Variants in MAK observed in about 807,000 individuals in gnomAD.
MAK encodes serine/threonine-protein kinase MAK.
Under a neutral mutation model 82.6 loss-of-function variants are expected in MAK, and 65 were observed. The ratio of observed to expected loss-of-function variants is 0.79; its 90% CI spans 0.64 to 0.97. The LOEUF is 0.97. MAK is among the 50% of genes least tolerant of loss of function. The pLI is 0.00. For missense variants in MAK, 703 were observed against 780.2 expected (o/e 0.90, Z 1.18); for synonymous variants, 250 against 274.2 (o/e 0.91, Z 0.87).
intron 2 of MAK, among the ~76,000 whole-genome samples, chr6:10,825,668 T>TACATGGC (rs1581765847): frequency 6.6e-6 from 1 of 152,078 alleles, no homozygotes; most frequent in East Asian, 1.9e-4. Context: ...TGGTACATGG[T>TACATGGC]ACATGGCACC....
intron 5 of MAK, among the ~76,000 whole-genome samples, chr6:10,810,710 A>G (rs1776863257): frequency 6.6e-6 from 1 of 152,304 alleles, no homozygotes; most frequent in South Asian, 2.1e-4. Context: ...TGTTTGTGAC[A>G]TCTGTTTAAC....
At chr6:10,784,675 C>A in intron 10 of MAK, 103 bp from the exon 11 acceptor site, 1 of 653,954 alleles carries the variant, frequency 1.5e-6, no homozygotes, top group South Asian at 2.8e-5. Context: ...CTAAGCCAGT[C>A]AATCTGACCT....
chr6:10,765,471 T>TTTTTTTTTTTTTTTTTTA (rs1561923828), intron 14 of MAK, among the ~76,000 whole-genome samples: 9 of 114,960 alleles, frequency 7.8e-5, no homozygotes, highest in African/African-American at 2.0e-4. Flanking sequence ...TTTTTTTTTT[T>TTTTTTTTTTTTTTTTTTA]TTAATGAGGC....
rs193132857 is a variant in MAK at position 10,784,535 on chromosome 6, T to C, written c.1354A>G (p.Thr452Ala). The C allele has an allele frequency of 8.1e-6, 13 of 1,614,136 alleles. No homozygotes were observed. In the East Asian group the frequency reaches 2.5e-4, roughly 30 times the overall value. The part of the protein sequence containing the change: ...EPVPSGSNHS[T>A]GENKSLPAVT... The stretch of plus-strand genomic sequence containing the variant: ...GCAGGTAAGCTCTTGTTTTCCCCTG[T>C]CGAGTGGTTGGAGCCTGAGGGTACT... Residue 452 changes from threonine to alanine, a missense_variant, in exon 11 of 15, where the codon ACA becomes GCA. Coordinates refer to ENST00000354489, the MANE Select transcript of MAK (RefSeq NM_001242957.3).
chr6:10,809,529 G>C (rs1028917875), intron 5 of MAK, among the ~76,000 whole-genome samples: 1 of 152,090 alleles, frequency 6.6e-6, no homozygotes, highest in Non-Finnish European at 1.5e-5. Context: ...GTTTTGCCAC[G>C]TCACCCAGGC....
At chr6:10,779,091 G>A (rs1179138151) in intron 11 of MAK, among the ~76,000 whole-genome samples, 1 of 131,136 alleles carries the variant, frequency 7.6e-6, no homozygotes, top group Non-Finnish European at 1.5e-5. Context: ...TGGTACCACT[G>A]CACTCCAGCC....
At chr6:10,836,223 A>G (rs1779142241) in intron 1 of MAK, among the ~76,000 whole-genome samples, 1 of 152,164 alleles carries the variant, frequency 6.6e-6, no homozygotes, top group South Asian at 2.1e-4. Context: ...AGATTTTTAA[A>G]AGGTCAGATT....
At chr6:10,790,424 AAAG>A (rs1774976940) in intron 10 of MAK, among the ~76,000 whole-genome samples, 1 of 152,176 alleles carries the variant, frequency 6.6e-6, no homozygotes, top group Admixed American at 6.5e-5. Context: ...AACAAAAAAA[AAAG>A]AAAGTATCTT....
intron 9 of MAK, among the ~76,000 whole-genome samples, chr6:10,794,190 A>C (rs1775317585): frequency 6.6e-6 from 1 of 152,192 alleles, no homozygotes; most frequent in Non-Finnish European, 1.5e-5. Flanking sequence ...ATTAAGGAAG[A>C]ACTTTCTAAT....
intron 9 of MAK, among the ~76,000 whole-genome samples, chr6:10,792,830 T>G (rs926523309): frequency 2.6e-5 from 4 of 152,150 alleles, no homozygotes; most frequent in Admixed American, 2.0e-4. Flanking sequence ...CTCTACACTA[T>G]TACTTTCTCT....
chr6:10,816,411 T>G (rs1257444392), intron 4 of MAK, among the ~76,000 whole-genome samples: 1 of 144,114 alleles, frequency 6.9e-6, no homozygotes, highest in Non-Finnish European at 1.5e-5. Flanking sequence ...AATTTAATAT[T>G]TCATGAATTT....
At chr6:10,832,655 C>T (rs573003230) in intron 1 of MAK, among the ~76,000 whole-genome samples, 1 of 152,150 alleles carries the variant, frequency 6.6e-6, no homozygotes, top group South Asian at 2.1e-4. Context: ...CAAGCTACTA[C>T]ACCCAGCTAT....
chr6:10,814,639 G>T (rs1318861699), intron 4 of MAK, among the ~76,000 whole-genome samples: 2 of 151,918 alleles, frequency 1.3e-5, no homozygotes, highest in Non-Finnish European at 1.5e-5. Context: ...CTCCACTCCA[G>T]CCTGGTGACA....
rs1425259590 is a variant in MAK, at chr6:10,782,249, CAG to C, written c.1465+2173_1465+2174del. On this transcript the variant is annotated intron_variant, in intron 11 of 14. Coordinates refer to ENST00000354489, the MANE Select transcript of MAK (RefSeq NM_001242957.3). Reference sequence around the variant, plus strand: ...ACACACACACACACACACACACACACAGACACACACCAAAACTATTTAACCTA... The same window carrying C: ...ACACACACACACACACACACACACACACACACACCAAAACTATTTAACCTA... 1.7e-4 allele frequency among the ~76,000 whole-genome samples: 23 copies of C among 138,220 alleles called. 1 individual carries two copies. The highest frequency in any genetic ancestry group is 5.0e-4 in the African/African-American group (17 of 34,156). The allele number at this position is 138,220 out of a possible 152,430, so 90.7% of individuals were successfully genotyped here.
At chr6:10,769,988 A>T in intron 14 of MAK, 123 bp downstream of exon 14, 6 of 1,565,872 alleles carry the variant, frequency 3.8e-6, no homozygotes, top group Non-Finnish European at 5.2e-6. Flanking sequence ...ACAAAAAGAA[A>T]TGCGTTAATG....
chr6:10,825,359 A>G (rs1196806748), intron 2 of MAK, among the ~76,000 whole-genome samples: 3 of 151,270 alleles, frequency 2.0e-5, no homozygotes, highest in Non-Finnish European at 4.4e-5. Flanking sequence ...GGTTTCAGAT[A>G]TTTTCTACAT....
At chr6:10,778,876 C>T (rs777010574) in intron 11 of MAK, among the ~76,000 whole-genome samples, 24 of 151,990 alleles carry the variant, frequency 1.6e-4, no homozygotes, top group Non-Finnish European at 3.2e-4. Context: ...GCCTGTAATC[C>T]CAGCACTTTG....
chr6:10,790,749 T>C (rs1775004661), intron 10 of MAK, among the ~76,000 whole-genome samples: 1 of 152,210 alleles, frequency 6.6e-6, no homozygotes, highest in Non-Finnish European at 1.5e-5. Flanking sequence ...TCTGATACGT[T>C]TTGGACATCT....
intron 14 of MAK, among the ~76,000 whole-genome samples, chr6:10,765,038 G>C (rs1306690770): frequency 1.3e-5 from 2 of 150,988 alleles, no homozygotes; most frequent in Non-Finnish European, 2.9e-5. Context: ...AGTGGTTGCA[G>C]TGAGCCGAGA....
Sources: gnomAD v4.1 joint callset for allele counts (sites outside exome capture counted in the v4.1 genomes callset) on GRCh38, gnomAD v4.1.1 for gene constraint, MANE v1.5 for transcripts, NCBI Gene and HGNC (gene_info 2026-07-23, HGNC 2026-07-21) for gene names.